The following GALNS variants were observed in gnomAD, a reference collection of about 807,000 sequenced individuals.
GALNS encodes N-acetylgalactosamine-6-sulfatase.
In GALNS, 65 loss-of-function variants were observed where a neutral mutation model predicts 65.9. That is an observed-to-expected ratio of 0.99 (90% CI 0.81 to 1.21). The LOEUF is 1.21. Among genes scored for constraint, GALNS ranks in the 50% most tolerant of loss-of-function variants. The pLI is 0.00. For missense variants in GALNS, 776 were observed against 700.7 expected, an observed-to-expected ratio of 1.11 and a Z score of -1.21; for synonymous variants, 346 against 288.9, an observed-to-expected ratio of 1.20 and a Z score of -2.00.
At chr16:88,835,909 C>T (rs1329123383) in intron 6 of GALNS, 60 bp from the exon 7 acceptor site, 27 of 1,611,104 alleles carry the variant, frequency 1.7e-5, no homozygotes, top group African/African-American at 8.0e-5. Flanking sequence ...ATGCCTCCCA[C>T]GGTCCCCGTC....
rs1162002343 is a variant in GALNS, at chr16:88,856,579, A to AT, written c.120+178dup. The AT allele has an allele frequency of 1.8e-4, 75 of 421,834 alleles. 2 individuals carry two copies. The African/African-American group carries it at 2.8e-3, about 16-fold the overall frequency. 26.1% of individuals were successfully genotyped at this position (421,834 alleles called of 1,614,324 possible). A position where few individuals can be genotyped will look rare whatever the true frequency, so the allele number is the denominator to read the frequency against. On this transcript the variant is annotated intron_variant, in intron 1 of 13. Coordinates refer to ENST00000268695, the MANE Select transcript of GALNS (RefSeq NM_000512.5). ...GGGGCCTCCCCCTCCCCGCACGGGG[A>AT]TACCCCCCGTCCCCTCCCCCTCCTC...
At chr16:88,814,789 C>T (rs934833387) in intron 13 of GALNS, among the ~76,000 whole-genome samples, 15 of 152,182 alleles carry the variant, frequency 9.9e-5, no homozygotes, top group East Asian at 1.9e-4. Context: ...TTAGTAGAGA[C>T]GGAGTTTCAC....
At chr16:88,839,866 C>A (rs766670355) in intron 4 of GALNS, among the ~76,000 whole-genome samples, 4 of 152,242 alleles carry the variant, frequency 2.6e-5, no homozygotes, top group African/African-American at 4.8e-5. Context: ...TAGGAGGCCG[C>A]TGGGCCCAAG....
chr16:88,826,918 G>A lies in GALNS; in HGVS notation c.1003-80C>T, dbSNP rs141130782. On this transcript the variant is annotated intron_variant, in intron 9 of 13. Coordinates refer to ENST00000268695, the MANE Select transcript of GALNS (RefSeq NM_000512.5). Reference sequence around the variant, plus strand: ...TGGGGGCCAATCCCTGGGGGGGCGTGAGCCCCGCTGCCCAGCTGGGTCTAC... The same window carrying A: ...TGGGGGCCAATCCCTGGGGGGGCGTAAGCCCCGCTGCCCAGCTGGGTCTAC... The A allele has an allele frequency of 1.2e-4, 180 of 1,494,846 alleles. 1 individual carries two copies. In the African/African-American group the frequency reaches 2.2e-3, roughly 18 times the overall value. The allele number at this position is 1,494,846 out of a possible 1,614,324, so 92.6% of individuals were successfully genotyped here.
Position 88,836,261 on chromosome 16 carries a change from A to C in GALNS, c.573T>G (p.Tyr191Ter). The C allele has an allele frequency of 6.2e-7, 1 of 1,611,970 alleles. No homozygotes were observed. Among genetic ancestry groups the C allele is most frequent in the Non-Finnish European group, 8.5e-7 (1 of 1,179,102 alleles). ...YRDWEMVGRY[Y>*]EEFPINLKTG... Reference sequence around the variant, plus strand: ...TCTTCAGATTAATAGGAAATTCTTCATAATATCTGAAAAGAACACAGATCC... The same window carrying C: ...TCTTCAGATTAATAGGAAATTCTTCCTAATATCTGAAAAGAACACAGATCC... The change falls in exon 6 of 14, where the codon TAT becomes TAG. Residue 191 changes from tyrosine to a stop codon, truncating the protein, a stop_gained. Transcript: ENST00000268695. LOFTEE classifies it high-confidence loss of function.
intron 1 of GALNS, chr16:88,843,454 T>C: frequency 2.9e-6 from 1 of 349,212 alleles, no homozygotes; most frequent in Non-Finnish European, 5.7e-6. Context: ...GACGACAAAG[T>C]GCGGCCGGCG....
At chr16:88,816,098 T>G (rs1909593650) in intron 13 of GALNS, 1 of 985,292 alleles carries the variant, frequency 1.0e-6, no homozygotes, top group Non-Finnish European at 1.2e-6. Flanking sequence ...CAGACCCCAG[T>G]GGCTCAGCTC....
chr16:88,848,953 G>T (rs1277864213), intron 1 of GALNS, among the ~76,000 whole-genome samples: 1 of 152,242 alleles, frequency 6.6e-6, no homozygotes, highest in Non-Finnish European at 1.5e-5. Context: ...CATGGCCCCT[G>T]CCTGTAAGGC....
At chr16:88,842,238 A>G in intron 2 of GALNS, 1 of 590,880 alleles carries the variant, frequency 1.7e-6, no homozygotes, top group East Asian at 3.0e-5. Context: ...GGCTCCTGGG[A>G]CACCCACTGG....
chr16:88,821,376 G>A (rs1037879111), intron 12 of GALNS, among the ~76,000 whole-genome samples: 4 of 152,154 alleles, frequency 2.6e-5, no homozygotes, highest in Admixed American at 6.5e-5. Context: ...TGGACCCAGC[G>A]CCACCCGTGC....
intron 8 of GALNS, among the ~76,000 whole-genome samples, chr16:88,832,816 C>T (rs1014956159): frequency 3.3e-5 from 5 of 152,140 alleles, no homozygotes; most frequent in African/African-American, 9.7e-5. Context: ...ATCCCAGTAC[C>T]TTGGGAGGCC....
chr16:88,845,356 C>T (rs1967198136), intron 1 of GALNS: 1 of 148,732 alleles, frequency 6.7e-6, no homozygotes, highest in Non-Finnish European at 1.5e-5. Context: ...GTCCCAAAAC[C>T]ACAACAACAA....
intron 8 of GALNS, 66 bp from the exon 9 acceptor site, chr16:88,832,167 CCACT>C (rs370982506): frequency 7.3e-7 from 1 of 1,374,712 alleles, no homozygotes; most frequent in African/African-American, 1.4e-5. Context: ...CCCTCCCTCC[CCACT>C]GAGTCACTGA....
intron 13 of GALNS, chr16:88,816,513 A>T: frequency 3.1e-6 from 2 of 650,672 alleles, no homozygotes; most frequent in Non-Finnish European, 3.8e-6. Context: ...CTTGCCAGGC[A>T]CCCCCGCCCC....
intron 1 of GALNS, among the ~76,000 whole-genome samples, chr16:88,851,184 A>G (rs1320050017): frequency 6.6e-6 from 1 of 152,132 alleles, no homozygotes; most frequent in Non-Finnish European, 1.5e-5. Context: ...CCCACAGGGC[A>G]CCACGGGCAG....
chr16:88,825,261 G>A (rs1910731570), intron 10 of GALNS, among the ~76,000 whole-genome samples: 1 of 136,252 alleles, frequency 7.3e-6, no homozygotes, highest in South Asian at 2.2e-4. Flanking sequence ...CCAGGGCTGG[G>A]GTGCCTGGGT....
At chr16:88,838,267 T>C (rs548923497) in intron 4 of GALNS, among the ~76,000 whole-genome samples, 11 of 152,284 alleles carry the variant, frequency 7.2e-5, no homozygotes, top group Non-Finnish European at 1.3e-4. Flanking sequence ...TTCAGGGCAA[T>C]GGCCCCAGGA....
In GALNS at chr16:88,831,810, A is replaced by T. The variant is rs2061377; in HGVS notation, c.1002+188T>A. Among the ~76,000 whole-genome samples the T allele has an allele frequency of 3.3e-3, 257 of 78,026 alleles. 3 individuals are homozygous for T. The highest frequency in any genetic ancestry group is 9.1e-3 in the Middle Eastern group (1 of 110). 51.2% of individuals were successfully genotyped at this position (78,026 alleles called of 152,430 possible). On this transcript the variant is annotated intron_variant, in intron 9 of 13. Coordinates refer to ENST00000268695, the MANE Select transcript of GALNS (RefSeq NM_000512.5). ...GAGAGCGGTGAGGCCGAGCACGGGG[A>T]GCGTGGGGAGGAGGGTGGTGAGGCT... is the stretch of plus-strand genomic sequence containing the variant.
intron 4 of GALNS, chr16:88,840,444 T>G: frequency 5.8e-6 from 1 of 173,088 alleles, no homozygotes; most frequent in South Asian, 1.2e-4. Flanking sequence ...TCCCAGGGAG[T>G]AAAAGAAATG....
Sources: allele counts gnomAD v4.1 joint callset (sites outside exome capture counted in the v4.1 genomes callset), GRCh38; gene constraint gnomAD v4.1.1; transcripts MANE v1.5; gene names NCBI Gene and HGNC (gene_info 2026-07-23, HGNC 2026-07-21).